Variants in GPD2 observed in about 807,000 individuals in gnomAD.
GPD2 encodes the protein glycerol-3-phosphate dehydrogenase, mitochondrial.
In GPD2, 54 loss-of-function variants were observed where a neutral mutation model predicts 82.4. That is an observed-to-expected ratio of 0.66 (90% CI 0.53 to 0.82). The LOEUF (loss-of-function observed/expected upper bound fraction) is 0.82, where lower values mean the gene tolerates loss of function less well. GPD2 is among the 40% of genes least tolerant of loss of function. GPD2 has a pLI of 0.00. For missense variants in GPD2, 748 were observed against 896.2 expected (o/e 0.83, Z 2.11); for synonymous variants, 288 against 306.1 (o/e 0.94, Z 0.62).
the GPD2 span, among the ~76,000 whole-genome samples, chr2:156,427,934 T>A: frequency 6.6e-6 from 1 of 152,214 alleles, no homozygotes; most frequent in African/African-American, 2.4e-5. Context: ...TCTGTATTCA[T>A]GGTCACTCTG....
chr2:156,423,679 A>G, the GPD2 span, among the ~76,000 whole-genome samples: 1 of 152,226 alleles, frequency 6.6e-6, no homozygotes, highest in African/African-American at 2.4e-5. Flanking sequence ...TGCCTGGAGC[A>G]TCAGATATAT....
At chr2:156,438,343 G>C (rs1682023681) in intron 1 of GPD2, among the ~76,000 whole-genome samples, 1 of 152,190 alleles carries the variant, frequency 6.6e-6, no homozygotes, top group Non-Finnish European at 1.5e-5. Flanking sequence ...GCAAGTAGTA[G>C]ACTTCAAAAG....
chr2:156,482,411 A>G (rs1415390020), intron 2 of GPD2, among the ~76,000 whole-genome samples: 1 of 152,152 alleles, frequency 6.6e-6, no homozygotes, highest in African/African-American at 2.4e-5. Context: ...TATATGAATT[A>G]TGGCATACTT....
chr2:156,518,736 C>G (rs1685289170), intron 6 of GPD2, among the ~76,000 whole-genome samples: 1 of 151,964 alleles, frequency 6.6e-6, no homozygotes, highest in Admixed American at 6.5e-5. Context: ...TAAGATGGTG[C>G]CTTTAATCCT....
intron 6 of GPD2, among the ~76,000 whole-genome samples, chr2:156,519,436 A>T (rs1685316272): frequency 6.6e-6 from 1 of 152,212 alleles, no homozygotes; most frequent in South Asian, 2.1e-4. Context: ...TATTGGCATG[A>T]TACATTAAAA....
intron 2 of GPD2, among the ~76,000 whole-genome samples, chr2:156,481,295 T>C (rs1683721761): frequency 6.6e-6 from 1 of 152,200 alleles, no homozygotes; most frequent in Non-Finnish European, 1.5e-5. Flanking sequence ...ACATTGATCA[T>C]TTCTTTGTGT....
chr2:156,560,594 A>C (rs1687132030), intron 9 of GPD2, among the ~76,000 whole-genome samples: 1 of 152,222 alleles, frequency 6.6e-6, no homozygotes, highest in South Asian at 2.1e-4. Context: ...AATAGTTAAC[A>C]GTGATTCTTT....
At chr2:156,509,533 G>T (rs1294378620) in intron 3 of GPD2, among the ~76,000 whole-genome samples, 1 of 152,158 alleles carries the variant, frequency 6.6e-6, no homozygotes, top group Admixed American at 6.5e-5. Flanking sequence ...ATGGCTTGGT[G>T]TCGATGTATT....
chr2:156,479,435 A>T (rs866865067), intron 2 of GPD2, among the ~76,000 whole-genome samples: 3 of 152,214 alleles, frequency 2.0e-5, no homozygotes, highest in Non-Finnish European at 2.9e-5. Context: ...TCATACAAGC[A>T]TATTAACAAT....
At chr2:156,416,486 T>C in the GPD2 span, among the ~76,000 whole-genome samples, 1 of 150,660 alleles carries the variant, frequency 6.6e-6, no homozygotes, top group African/African-American at 2.4e-5. Flanking sequence ...AAGCTAGGAC[T>C]ACAGGCATGA....
At chr2:156,505,860 C>T (rs550899537) in intron 3 of GPD2, among the ~76,000 whole-genome samples, 1 of 152,256 alleles carries the variant, frequency 6.6e-6, no homozygotes, top group African/African-American at 2.4e-5. Flanking sequence ...ACTTAACATA[C>T]CAGAAAACTG....
chr2:156,428,872 G>A, the GPD2 span, among the ~76,000 whole-genome samples: 2 of 152,172 alleles, frequency 1.3e-5, no homozygotes, highest in Non-Finnish European at 2.9e-5. Flanking sequence ...GAATGAAGGA[G>A]ATTTGCTTTT....
At chr2:156,425,007 A>C in the GPD2 span, among the ~76,000 whole-genome samples, 8 of 152,172 alleles carry the variant, frequency 5.3e-5, no homozygotes, top group African/African-American at 1.2e-4. Context: ...CTGAAAAAAA[A>C]CTGTAATTTC....
At chr2:156,471,955 GCT>G (rs1309358338) in intron 1 of GPD2, among the ~76,000 whole-genome samples, 4 of 152,182 alleles carry the variant, frequency 2.6e-5, no homozygotes, top group Non-Finnish European at 5.9e-5. Flanking sequence ...ATTAGAGCTA[GCT>G]CTGGTCTATG....
intron 2 of GPD2, among the ~76,000 whole-genome samples, chr2:156,476,726 A>G (rs1351429911): frequency 6.6e-6 from 1 of 152,222 alleles, no homozygotes; most frequent in African/African-American, 2.4e-5. Flanking sequence ...GAAGTTTCCA[A>G]ATATTATGAA....
intron 13 of GPD2, among the ~76,000 whole-genome samples, chr2:156,574,262 T>C (rs1006047213): frequency 4.0e-5 from 6 of 151,884 alleles, no homozygotes; most frequent in Non-Finnish European, 7.4e-5. Flanking sequence ...TACAAATTAA[T>C]ATACTTGAAA....
the GPD2 span, among the ~76,000 whole-genome samples, chr2:156,420,059 A>G: frequency 6.6e-6 from 1 of 152,224 alleles, no homozygotes; most frequent in African/African-American, 2.4e-5. Flanking sequence ...TTATTTAACT[A>G]CTTAATGAAA....
intron 1 of GPD2, among the ~76,000 whole-genome samples, chr2:156,461,621 C>T (rs1052082517): frequency 2.6e-5 from 4 of 152,200 alleles, no homozygotes; most frequent in African/African-American, 9.7e-5. Context: ...CTCAAGCGAT[C>T]CTCCCACCTT....
intron 13 of GPD2, among the ~76,000 whole-genome samples, chr2:156,572,576 G>C (rs76484541): frequency 0.034 from 5,125 of 152,182 alleles, 296 homozygotes; most frequent in African/African-American, 0.12. Flanking sequence ...GCTTGGGCTA[G>C]AGATATAAAT....
Sources: gnomAD v4.1 joint callset for allele counts (sites outside exome capture counted in the v4.1 genomes callset) on GRCh38, gnomAD v4.1.1 for gene constraint, MANE v1.5 for transcripts, NCBI Gene and HGNC (gene_info 2026-07-23, HGNC 2026-07-21) for gene names.